SRGAP2B: variants seen among roughly 807,000 people sequenced by gnomAD.
SRGAP2B encodes the protein SLIT-ROBO Rho GTPase-activating protein 2B.
Under a neutral mutation model 22.2 loss-of-function variants are expected in SRGAP2B, and 9 were observed. The observed-to-expected ratio is 0.41, with a 90% CI of 0.24 to 0.71. The LOEUF (loss-of-function observed/expected upper bound fraction) is 0.71. Among genes scored for constraint, SRGAP2B ranks in the 30% least tolerant of loss-of-function variants. The pLI, the probability that SRGAP2B is intolerant of heterozygous loss-of-function variation, is 0.35. For missense variants in SRGAP2B, 114 were observed against 235.8 expected (o/e 0.48, Z 3.38); for synonymous variants, 36 against 87.4 (o/e 0.41, Z 3.28).
At chr1:144,925,601 A>G (rs1156454878) in intron 4 of SRGAP2B, among the ~76,000 whole-genome samples, 41 of 141,144 alleles carry the variant, frequency 2.9e-4, no homozygotes, top group Middle Eastern at 3.6e-3. Context: ...CTGAGATTGC[A>G]CTACTGCCCT....
chr1:144,965,679 A>T (rs1553612121), intron 3 of SRGAP2B, among the ~76,000 whole-genome samples: 1 of 125,502 alleles, frequency 8.0e-6, no homozygotes, highest in Non-Finnish European at 1.6e-5. Flanking sequence ...GCTTCAGACG[A>T]TCAAATTACT....
chr1:144,964,688 A>G (rs1325411920), intron 3 of SRGAP2B, among the ~76,000 whole-genome samples: 1 of 151,120 alleles, frequency 6.6e-6, no homozygotes, highest in Non-Finnish European at 1.5e-5. Context: ...TAGCTCTGCC[A>G]CTTACTAGCC....
chr1:144,930,442 T>A (rs1311812211), intron 4 of SRGAP2B, among the ~76,000 whole-genome samples: 1 of 124,646 alleles, frequency 8.0e-6, no homozygotes, highest in African/African-American at 3.4e-5. Context: ...ATAAAGGACA[T>A]CTCTGAAATT....
chr1:144,925,605 C>T (rs1399370064), intron 4 of SRGAP2B, among the ~76,000 whole-genome samples: 1 of 136,444 alleles, frequency 7.3e-6, no homozygotes, highest in Non-Finnish European at 1.5e-5. Flanking sequence ...GATTGCACTA[C>T]TGCCCTCCAG....
At chr1:144,971,184 G>A (rs587694671) in intron 3 of SRGAP2B, among the ~76,000 whole-genome samples, 2 of 146,896 alleles carry the variant, frequency 1.4e-5, no homozygotes, top group East Asian at 4.0e-4. Context: ...AGGCTAGAGT[G>A]CAATGGTGCG....
At chr1:144,931,758 C>T (rs1458249180) in intron 4 of SRGAP2B, among the ~76,000 whole-genome samples, 1 of 144,984 alleles carries the variant, frequency 6.9e-6, no homozygotes, top group Non-Finnish European at 1.5e-5. Context: ...AGGGGTTACC[C>T]AGCTAGAAAG....
chr1:144,995,981 TG>T (rs1444258059), intron 2 of SRGAP2B, among the ~76,000 whole-genome samples: 2 of 150,132 alleles, frequency 1.3e-5, no homozygotes, highest in Non-Finnish European at 2.9e-5. Flanking sequence ...TCTTCATAGA[TG>T]CTGTAGTGCC....
intron 2 of SRGAP2B, among the ~76,000 whole-genome samples, chr1:144,997,046 G>T (rs1371865265): frequency 1.3e-5 from 2 of 150,332 alleles, no homozygotes; most frequent in Non-Finnish European, 2.9e-5. Flanking sequence ...TTAGTGAAAA[G>T]CTGATAGTAA....
In SRGAP2B at chr1:144,901,740, CAT is replaced by C. The variant is rs1206271509; in HGVS notation, c.831+3349_831+3350del. Among the ~76,000 whole-genome samples, 4 of 129,122 alleles carry C rather than the reference CAT, an allele frequency of 3.1e-5. No homozygotes were observed. The East Asian group carries it at 8.6e-4, about 28-fold the overall frequency. The allele number at this position is 129,122 out of a possible 152,430, so 84.7% of individuals were successfully genotyped here. A position where few individuals can be genotyped will look rare whatever the true frequency, so the allele number is the denominator to read the frequency against. ...TCAAAATATTTATTCTATATCTTGA[CAT>C]AGATTACAAAGATGTACAAATTTGT... On this transcript the variant is annotated intron_variant, in intron 7 of 9. Coordinates refer to ENST00000612199, the Ensembl canonical transcript of SRGAP2B.
chr1:145,069,049 C>A (rs1553632951), intron 2 of SRGAP2B, among the ~76,000 whole-genome samples: 2 of 144,724 alleles, frequency 1.4e-5, no homozygotes, highest in African/African-American at 5.1e-5. Context: ...TGTACCACTT[C>A]ATCTCCATCA....
rs1435629759 is a variant in SRGAP2B, at chr1:144,909,160, A to T, written c.487-3086T>A. Among the ~76,000 whole-genome samples, 12 of 150,558 alleles carry T rather than the reference A, an allele frequency of 8.0e-5. 2 individuals are homozygous for T. The highest frequency in any genetic ancestry group is 3.0e-4 in the African/African-American group (12 of 40,136). On this transcript the variant is annotated intron_variant, in intron 5 of 9. Transcript: ENST00000612199. ...CCGAAAAGCGGGTAGGCAAGCAGTA[A>T]CTCATCTACTTGAGTCCTAAACCAA...
At chr1:144,965,567 C>CT (rs1488205634) in intron 3 of SRGAP2B, among the ~76,000 whole-genome samples, 1 of 141,912 alleles carries the variant, frequency 7.0e-6, no homozygotes, top group Non-Finnish European at 1.5e-5. Flanking sequence ...ACTGGAAACT[C>CT]TAAAACGCAG....
chr1:145,045,041 C>T (rs1375263004), intron 2 of SRGAP2B, among the ~76,000 whole-genome samples: 2 of 147,130 alleles, frequency 1.4e-5, no homozygotes, highest in Non-Finnish European at 3.0e-5. Context: ...TAACAGAATG[C>T]CACAGACTGC....
chr1:145,036,635 C>T (rs1553626720), intron 2 of SRGAP2B, among the ~76,000 whole-genome samples: 1 of 62,780 alleles, frequency 1.6e-5, no homozygotes, highest in East Asian at 3.9e-4. Flanking sequence ...GATTTGAACA[C>T]AGAATCTTCT....
chr1:144,929,555 G>A (rs1215245197), intron 4 of SRGAP2B, among the ~76,000 whole-genome samples: 4 of 150,618 alleles, frequency 2.7e-5, no homozygotes, highest in Non-Finnish European at 4.4e-5. Context: ...GTTTGCATCT[G>A]TTAACACCAT....
chr1:144,984,387 C>A (rs1178824210), intron 3 of SRGAP2B, among the ~76,000 whole-genome samples: 1 of 131,546 alleles, frequency 7.6e-6, no homozygotes, highest in Non-Finnish European at 1.7e-5. Flanking sequence ...AACAAAAAAG[C>A]CCCTCTCTAT....
chr1:144,966,189 T>C (rs1399049822), intron 3 of SRGAP2B, among the ~76,000 whole-genome samples: 1 of 148,496 alleles, frequency 6.7e-6, no homozygotes, highest in Non-Finnish European at 1.5e-5. Flanking sequence ...CACATAATTG[T>C]CAGATTCACC....
intron 2 of SRGAP2B, among the ~76,000 whole-genome samples, chr1:145,065,174 G>A (rs1198529939): frequency 6.6e-6 from 1 of 151,984 alleles, no homozygotes; most frequent in Non-Finnish European, 1.5e-5. Flanking sequence ...TCTAGGACCC[G>A]ATCTGCTATG....
At chr1:145,016,946 T>C (rs1348437202) in intron 2 of SRGAP2B, among the ~76,000 whole-genome samples, 2 of 145,962 alleles carry the variant, frequency 1.4e-5, no homozygotes, top group Non-Finnish European at 3.0e-5. Context: ...CCTCCCGGGT[T>C]CAAGTTTTTT....
Sources: allele counts gnomAD v4.1 joint callset (sites outside exome capture counted in the v4.1 genomes callset), GRCh38; gene constraint gnomAD v4.1.1; transcripts MANE v1.5; gene names NCBI Gene and HGNC (gene_info 2026-07-23, HGNC 2026-07-21).